CMAS: variants seen among roughly 807,000 people sequenced by gnomAD.
CMAS encodes cytidine monophosphate N-acetylneuraminic acid synthetase, also known as N-acylneuraminate cytidylyltransferase.
Under a neutral mutation model 53.4 loss-of-function variants are expected in CMAS, and 21 were observed. The observed-to-expected ratio is 0.39, with a 90% CI of 0.28 to 0.57. CMAS has a LOEUF of 0.57. Ranked by LOEUF, CMAS falls within the 20% of genes least tolerant of loss-of-function variation. CMAS has a pLI of 0.56. For synonymous variants in CMAS, 189 were observed against 195.2 expected (o/e 0.97, Z 0.27); for missense variants, 384 against 534.9 (o/e 0.72, Z 2.78).
chr12:22,053,941 T>G (rs1950251768), intron 1 of CMAS, among the ~76,000 whole-genome samples: 1 of 150,374 alleles, frequency 6.7e-6, no homozygotes, highest in Admixed American at 6.6e-5. Context: ...TTGTCTTTTT[T>G]TTTGAGACAG....
intron 5 of CMAS, 83 bp from the exon 6 acceptor site, chr12:22,061,198 C>T (rs1182815421): frequency 8.8e-6 from 8 of 913,550 alleles, no homozygotes; most frequent in Admixed American, 6.6e-5. Flanking sequence ...TGGAGGGTGA[C>T]ATTTCATGTA....
rs1232682755 is a variant in CMAS, at chr12:22,046,222, G to C, written c.-82G>C. ...CGGCCGCGCGCGCCAGCTGCCAGGC[G>C]GGGATCGGGCGGCGCCGAGCTGAGG... On this transcript the variant is annotated 5_prime_UTR_variant, in exon 1 of 8. Transcript: ENST00000229329. 3.0e-6 allele frequency: 4 copies of C among 1,320,894 alleles called. No individual in the cohort carries two copies. The highest frequency in any genetic ancestry group is 3.1e-5 in the East Asian group (1 of 32,086). 81.8% of individuals were successfully genotyped at this position (1,320,894 alleles called of 1,614,324 possible). A position where few individuals can be genotyped will look rare whatever the true frequency, so the allele number is the denominator to read the frequency against.
chr12:22,058,171 A>C (rs1268216434), intron 3 of CMAS, among the ~76,000 whole-genome samples: 1 of 151,410 alleles, frequency 6.6e-6, no homozygotes, highest in Non-Finnish European at 1.5e-5. Context: ...TCATGCCTGT[A>C]ATTCCAGCAC....
intron 1 of CMAS, among the ~76,000 whole-genome samples, chr12:22,049,777 T>C (rs772299820): frequency 8.6e-5 from 13 of 152,036 alleles, no homozygotes; most frequent in Non-Finnish European, 1.5e-4. Flanking sequence ...TGGTGGTGCA[T>C]GCCTGTAATC....
chr12:22,061,581 C>A, intron 6 of CMAS, 129 bp downstream of exon 6: 7 of 522,222 alleles, frequency 1.3e-5, no homozygotes, highest in South Asian at 7.8e-5. Context: ...CCTTCATACG[C>A]CTAGAAAATT....
intron 5 of CMAS, 107 bp from the exon 6 acceptor site, chr12:22,061,174 T>C: frequency 2.4e-6 from 2 of 829,170 alleles, no homozygotes; most frequent in South Asian, 3.0e-5. Context: ...GAGAGTAATG[T>C]TTGAATAATT....
rs561373196 is a variant in CMAS at position 22,060,942 on chromosome 12, C to T, written c.788+16C>T. The stretch of plus-strand genomic sequence containing the variant: ...GAGTATTAAGGTAAAAACAAATAAA[C>T]CTTTATAACCTTTGTACTAAATCTT... On this transcript the variant is annotated intron_variant, in intron 5 of 7. Coordinates refer to ENST00000229329, the MANE Select transcript of CMAS (RefSeq NM_018686.6). 4.1e-4 allele frequency: 547 copies of T among 1,347,410 alleles called. 4 individuals are homozygous for T. In the South Asian group the frequency reaches 6.1e-3, roughly 15 times the overall value. The allele number at this position is 1,347,410 out of a possible 1,614,324, so 83.5% of individuals were successfully genotyped here. A position where few individuals can be genotyped will look rare whatever the true frequency, so the allele number is the denominator to read the frequency against.
At chr12:22,055,014 G>T in intron 1 of CMAS, 135 bp from the exon 2 acceptor site, 2 of 528,662 alleles carry the variant, frequency 3.8e-6, no homozygotes, top group South Asian at 4.1e-5. Context: ...TACTCCTTTG[G>T]ATCTGTAACA....
chr12:22,063,680 T>TA (rs1950323901), intron 7 of CMAS: 1 of 151,854 alleles, frequency 6.6e-6, no homozygotes, highest in East Asian at 1.9e-4. Flanking sequence ...CTTCTATTTT[T>TA]TAAAAAAATA....
intron 1 of CMAS, 140 bp from the exon 2 acceptor site, chr12:22,055,009 C>A: frequency 1.9e-6 from 1 of 523,248 alleles, no homozygotes; most frequent in Non-Finnish European, 3.3e-6. Context: ...TTTTATACTC[C>A]TTTGGATCTG....
chr12:22,055,784 A>C (rs531316974), intron 3 of CMAS, among the ~76,000 whole-genome samples, 174 bp downstream of exon 3: 1 of 152,234 alleles, frequency 6.6e-6, no homozygotes, highest in Non-Finnish European at 1.5e-5. Flanking sequence ...TTATCGAGCC[A>C]ACACAGCTAG....
At position 22,046,409 on chromosome 12, in the gene CMAS, G is replaced by A; in HGVS notation, c.106G>A (p.Gly36Ser). ...GCAGCGCAACTCTCGCGGCGGCCAG[G>A]GCCGAGGTGTGGAGAAGCCCCCGCA... Reference protein sequence around the residue: ...KLQRNSRGGQGRGVEKPPHLA... With the variant: ...KLQRNSRGGQSRGVEKPPHLA... The change falls in exon 1 of 8, where the codon GGC (glycine) becomes AGC (serine). Residue 36 changes from glycine (G) to serine (S), a missense_variant. Gly to Ser is a moderately conservative substitution (Grantham distance 56). Coordinates refer to ENST00000229329, the MANE Select transcript of CMAS (RefSeq NM_018686.6). The A allele has an allele frequency of 6.3e-7, 1 of 1,596,744 alleles. No individual in the cohort carries two copies. The highest frequency in any genetic ancestry group is 8.5e-7 in the Non-Finnish European group (1 of 1,173,130).
intron 4 of CMAS, among the ~76,000 whole-genome samples, chr12:22,059,957 GC>G (rs1565531383): frequency 1.3e-5 from 2 of 152,018 alleles, no homozygotes; most frequent in African/African-American, 4.8e-5. Context: ...TCAAGAGACT[GC>G]CCTTGCCTTT....
chr12:22,049,526 T>A (rs1950226833), intron 1 of CMAS, among the ~76,000 whole-genome samples: 1 of 152,254 alleles, frequency 6.6e-6, no homozygotes, highest in South Asian at 2.1e-4. Context: ...TATTTAATAC[T>A]TCTAGACTAG....
At chr12:22,054,328 C>A (rs1427806195) in intron 1 of CMAS, among the ~76,000 whole-genome samples, 1 of 152,160 alleles carries the variant, frequency 6.6e-6, no homozygotes. Context: ...TACCCCTCTC[C>A]AAAACAGCAT....
In CMAS at chr12:22,058,676, T is replaced by A; in HGVS notation, c.669T>A (p.His223Gln). The A allele has an allele frequency of 6.2e-7, 1 of 1,613,588 alleles. No homozygotes were observed. Among genetic ancestry groups the A allele is most frequent in the Admixed American group, 1.7e-5 (1 of 59,954 alleles). Reference sequence around the variant, plus strand: ...GCTCATTTTATTTTGCTAAAAGACATTTGATAGAGATGGGTTACTTGCAGG... The same window carrying A: ...GCTCATTTTATTTTGCTAAAAGACAATTGATAGAGATGGGTTACTTGCAGG... The part of the protein sequence containing the change: ...ENGSFYFAKR[H>Q]LIEMGYLQGG... The change falls in exon 4 of 8, where the codon CAT (histidine) becomes CAA (glutamine). Residue 223 changes from histidine (H) to glutamine (Q), a missense_variant. Physicochemically the swap from His to Gln is conservative, Grantham distance 24. Coordinates refer to ENST00000229329, the MANE Select transcript of CMAS (RefSeq NM_018686.6).
chr12:22,059,005 A>C (rs1165291512), intron 4 of CMAS, among the ~76,000 whole-genome samples: 1 of 151,770 alleles, frequency 6.6e-6, no homozygotes, highest in African/African-American at 2.4e-5. Context: ...TACGTAATCC[A>C]TGTTTGTGTT....
At chr12:22,052,336 G>C (rs571643672) in intron 1 of CMAS, among the ~76,000 whole-genome samples, 1 of 152,000 alleles carries the variant, frequency 6.6e-6, no homozygotes, top group Non-Finnish European at 1.5e-5. Context: ...GACAGAATAA[G>C]CACTTAGTAA....
intron 1 of CMAS, among the ~76,000 whole-genome samples, chr12:22,053,742 G>T (rs963378484): frequency 1.0e-4 from 15 of 148,212 alleles, no homozygotes; most frequent in African/African-American, 3.2e-4. Flanking sequence ...AGCCGGGCGT[G>T]TTGGCGGGCG....
Sources: allele counts gnomAD v4.1 joint callset (sites outside exome capture counted in the v4.1 genomes callset), GRCh38; gene constraint gnomAD v4.1.1; transcripts MANE v1.5; gene names NCBI Gene and HGNC (gene_info 2026-07-23, HGNC 2026-07-21).